Variants in ROBO1 observed in about 807,000 individuals in gnomAD.
The protein encoded by ROBO1 is roundabout guidance receptor 1.
ROBO1 carries 149 observed loss-of-function variants against 195.9 expected under a neutral mutation model. The observed-to-expected ratio is 0.76, with a 90% CI of 0.67 to 0.87. The LOEUF (loss-of-function observed/expected upper bound fraction) is 0.87. Among genes scored for constraint, ROBO1 ranks in the 40% least tolerant of loss-of-function variants. The probability of loss-of-function intolerance (pLI) is 0.00; values close to 1 mark genes in which losing one functional copy is unlikely to be tolerated. For synonymous variants in ROBO1, 816 were observed against 733.2 expected (o/e 1.11, Z -1.82); for missense variants, 1,933 against 2,068.3 (o/e 0.93, Z 1.27).
intron 3 of ROBO1, among the ~76,000 whole-genome samples, chr3:78,995,458 C>G (rs980865150): frequency 1.3e-5 from 2 of 152,136 alleles, no homozygotes; most frequent in Non-Finnish European, 2.9e-5. Flanking sequence ...TCAAAGCCTT[C>G]TAAAGTGATC....
intron 2 of ROBO1, among the ~76,000 whole-genome samples, chr3:79,531,547 G>A (rs1216822341): frequency 6.6e-6 from 1 of 152,134 alleles, no homozygotes; most frequent in Non-Finnish European, 1.5e-5. Context: ...AATTGGTTGA[G>A]CCTGGGAGGT....
chr3:79,162,474 C>A (rs1169477346), intron 2 of ROBO1, among the ~76,000 whole-genome samples: 3 of 152,040 alleles, frequency 2.0e-5, no homozygotes, highest in Non-Finnish European at 2.9e-5. Flanking sequence ...CTTTAAATAA[C>A]ATCATGTGAA....
chr3:78,807,613 G>C (rs938419352), intron 4 of ROBO1, among the ~76,000 whole-genome samples: 4 of 152,234 alleles, frequency 2.6e-5, no homozygotes, highest in Non-Finnish European at 5.9e-5. Context: ...CAGAAAAGGT[G>C]AAGTTACTAG....
At chr3:79,673,849 T>C (rs1946703734) in intron 1 of ROBO1, among the ~76,000 whole-genome samples, 2 of 152,004 alleles carry the variant, frequency 1.3e-5, no homozygotes, top group Non-Finnish European at 2.9e-5. Flanking sequence ...CTGCAGTCTA[T>C]GGGCTTAACA....
intron 2 of ROBO1, among the ~76,000 whole-genome samples, chr3:79,534,766 A>T (rs1471129225): frequency 6.6e-6 from 1 of 152,094 alleles, no homozygotes; most frequent in Non-Finnish European, 1.5e-5. Context: ...CTATTTTAAA[A>T]ATTAAGCCTC....
At chr3:79,356,772 T>C (rs1192228756) in intron 2 of ROBO1, among the ~76,000 whole-genome samples, 1 of 152,150 alleles carries the variant, frequency 6.6e-6, no homozygotes, top group Non-Finnish European at 1.5e-5. Flanking sequence ...TGTATTTCCA[T>C]TTGTAAAGGA....
At chr3:78,934,982 A>G (rs1387816355) in intron 4 of ROBO1, among the ~76,000 whole-genome samples, 2 of 152,018 alleles carry the variant, frequency 1.3e-5, no homozygotes, top group African/African-American at 4.8e-5. Flanking sequence ...TGGTCAGTTC[A>G]TGTTCTCATT....
intron 5 of ROBO1, among the ~76,000 whole-genome samples, chr3:78,728,301 G>A (rs550961615): frequency 2.0e-5 from 3 of 152,212 alleles, no homozygotes; most frequent in Non-Finnish European, 2.9e-5. Context: ...CATGCTGTGC[G>A]TTCACAGGCT....
At chr3:79,298,922 A>T (rs2109051757) in intron 2 of ROBO1, among the ~76,000 whole-genome samples, 1 of 152,274 alleles carries the variant, frequency 6.6e-6, no homozygotes, top group African/African-American at 2.4e-5. Flanking sequence ...TCTGCATACT[A>T]CAAAGATTTC....
chr3:78,942,631 C>A (rs150725665), intron 3 of ROBO1, among the ~76,000 whole-genome samples: 1 of 152,140 alleles, frequency 6.6e-6, no homozygotes, highest in African/African-American at 2.4e-5. Context: ...AATAGCCAAA[C>A]GGTACTGACA....
At position 79,699,210 on chromosome 3, in the gene ROBO1, G is replaced by C. The variant is rs1364820083; in HGVS notation, c.-51+68542C>G. Among the ~76,000 whole-genome samples the C allele has an allele frequency of 6.6e-5, 10 of 151,328 alleles. No homozygotes were observed. In the East Asian group the frequency reaches 1.9e-3, roughly 29 times the overall value. On this transcript the variant is annotated intron_variant, in intron 1 of 30. Transcript: ENST00000464233. ...GATATCTGTGGCTCAAATTTGAAAA[G>C]TTTGATTAGAATTGATTATTATTTT...
chr3:78,711,329 T>C (rs1314913820), intron 8 of ROBO1, among the ~76,000 whole-genome samples: 1 of 95,074 alleles, frequency 1.1e-5, no homozygotes, highest in Non-Finnish European at 2.2e-5. Context: ...CTCTCTCTCC[T>C]TCCTTCCTTC....
chr3:79,308,920 C>CTGTT (rs1279831189), intron 2 of ROBO1, among the ~76,000 whole-genome samples: 1 of 152,164 alleles, frequency 6.6e-6, no homozygotes, highest in African/African-American at 2.4e-5. Flanking sequence ...TCAAAGTTAT[C>CTGTT]TGTTTGTACT....
At chr3:78,944,986 G>C (rs1337886201) in intron 3 of ROBO1, among the ~76,000 whole-genome samples, 1 of 152,196 alleles carries the variant, frequency 6.6e-6, no homozygotes, top group Non-Finnish European at 1.5e-5. Flanking sequence ...CCATTGCCGA[G>C]TTAGTTGTTT....
chr3:79,052,388 G>T (rs1470878754), intron 3 of ROBO1, among the ~76,000 whole-genome samples: 2 of 152,048 alleles, frequency 1.3e-5, no homozygotes, highest in African/African-American at 4.8e-5. Flanking sequence ...GTTTATCAAT[G>T]ACAATGTGTG....
In ROBO1 at chr3:79,230,509, T is replaced by C. The variant is rs996036730; in HGVS notation, c.89-104970A>G. Among the ~76,000 whole-genome samples, 8 of 151,806 alleles carry C rather than the reference T, an allele frequency of 5.3e-5. No homozygotes were observed. In the East Asian group the frequency reaches 9.7e-4, roughly 18 times the overall value. Reference sequence around the variant, plus strand: ...CTTTGGTCAATGTGACAATAGCAAATGTAAAGTAAGCAAAGACTAAAAAAA... The same window carrying C: ...CTTTGGTCAATGTGACAATAGCAAACGTAAAGTAAGCAAAGACTAAAAAAA... On this transcript the variant is annotated intron_variant, in intron 2 of 30. Coordinates refer to ENST00000464233, the MANE Select transcript of ROBO1 (RefSeq NM_002941.4).
chr3:79,540,750 G>A (rs1942034646), intron 2 of ROBO1, among the ~76,000 whole-genome samples: 1 of 152,076 alleles, frequency 6.6e-6, no homozygotes, highest in African/African-American at 2.4e-5. Flanking sequence ...ACATTTTGAA[G>A]TTATTTCATT....
intron 1 of ROBO1, among the ~76,000 whole-genome samples, chr3:79,657,199 A>C (rs1023422061): frequency 6.6e-6 from 1 of 152,154 alleles, no homozygotes; most frequent in African/African-American, 2.4e-5. Flanking sequence ...CAATAGGGGC[A>C]CTTCCCACAG....
chr3:79,051,633 A>T (rs2078700814), intron 3 of ROBO1, among the ~76,000 whole-genome samples: 1 of 152,194 alleles, frequency 6.6e-6, no homozygotes, highest in African/African-American at 2.4e-5. Context: ...AATATCTCTG[A>T]TGAAAATCTA....
Sources: allele counts gnomAD v4.1 joint callset (sites outside exome capture counted in the v4.1 genomes callset), GRCh38; gene constraint gnomAD v4.1.1; transcripts MANE v1.5; gene names NCBI Gene and HGNC (gene_info 2026-07-23, HGNC 2026-07-21).